The following PTBP3 variants were observed in gnomAD, a reference collection of about 807,000 sequenced individuals.
The protein encoded by PTBP3 is polypyrimidine tract binding protein 3, also known as polypyrimidine tract-binding protein 3.
In PTBP3, 20 loss-of-function variants were observed where a neutral mutation model predicts 58.7. The observed-to-expected ratio is 0.34, with a 90% CI of 0.24 to 0.50. The LOEUF is 0.50. Among genes scored for constraint, PTBP3 ranks in the 20% least tolerant of loss-of-function variants. The pLI, the probability that PTBP3 is intolerant of heterozygous loss-of-function variation, is 0.98. For missense variants in PTBP3, 509 were observed against 637.2 expected, an observed-to-expected ratio of 0.80 and a Z score of 2.17; for synonymous variants, 185 against 219.8, an observed-to-expected ratio of 0.84 and a Z score of 1.40.
At chr9:112,314,691 A>C (rs1000708382) in intron 1 of PTBP3, among the ~76,000 whole-genome samples, 1 of 152,156 alleles carries the variant, frequency 6.6e-6, no homozygotes, top group African/African-American at 2.4e-5. Context: ...AACAAAAAAG[A>C]AACACCTCAC....
At chr9:112,275,307 G>A (rs1026425947) in intron 3 of PTBP3, among the ~76,000 whole-genome samples, 32 of 151,954 alleles carry the variant, frequency 2.1e-4, no homozygotes, top group African/African-American at 7.7e-4. Flanking sequence ...GGCTAATTTT[G>A]TATTTTTAGT....
intron 12 of PTBP3, among the ~76,000 whole-genome samples, chr9:112,224,537 A>C (rs947656737): frequency 6.6e-6 from 1 of 152,220 alleles, no homozygotes; most frequent in African/African-American, 2.4e-5. Flanking sequence ...TTAGTAATCA[A>C]CTGTAGTACT....
At chr9:112,322,027 T>C (rs544446339) in intron 1 of PTBP3, among the ~76,000 whole-genome samples, 5 of 143,730 alleles carry the variant, frequency 3.5e-5, no homozygotes, top group Admixed American at 2.3e-4. Context: ...CTCAGCTACT[T>C]GGGAGGCTGA....
the PTBP3 span, among the ~76,000 whole-genome samples, chr9:112,341,661 A>T: frequency 1.3e-5 from 2 of 151,988 alleles, no homozygotes; most frequent in East Asian, 3.8e-4. Context: ...AGTCACTTGT[A>T]GGTCTAGATA....
At chr9:112,325,140 A>C (rs1454837038) in intron 1 of PTBP3, among the ~76,000 whole-genome samples, 1 of 152,246 alleles carries the variant, frequency 6.6e-6, no homozygotes, top group African/African-American at 2.4e-5. Flanking sequence ...ATATTTGATA[A>C]GAGTCAAGAG....
chr9:112,371,534 T>C, the PTBP3 span, among the ~76,000 whole-genome samples: 2 of 152,112 alleles, frequency 1.3e-5, no homozygotes, highest in African/African-American at 4.8e-5. Context: ...AATAAACTTA[T>C]TAGAGCACTC....
intron 7 of PTBP3, among the ~76,000 whole-genome samples, chr9:112,235,388 C>T (rs1210095166): frequency 6.6e-6 from 1 of 152,140 alleles, no homozygotes; most frequent in Non-Finnish European, 1.5e-5. Flanking sequence ...TTCACTGTGA[C>T]TGGTCAGAGA....
chr9:112,303,193 T>C (rs1309320356), intron 1 of PTBP3, among the ~76,000 whole-genome samples: 2 of 152,200 alleles, frequency 1.3e-5, no homozygotes, highest in Non-Finnish European at 2.9e-5. Flanking sequence ...TTTATGATAT[T>C]ATCCTGCTTC....
chr9:112,292,490 G>A (rs771387103), intron 2 of PTBP3, among the ~76,000 whole-genome samples: 2 of 152,136 alleles, frequency 1.3e-5, no homozygotes, highest in Middle Eastern at 3.2e-3. Flanking sequence ...TCACTGCAGC[G>A]TTACTCACAA....
At chr9:112,268,596 G>A (rs1434077949) in intron 3 of PTBP3, among the ~76,000 whole-genome samples, 3 of 151,750 alleles carry the variant, frequency 2.0e-5, no homozygotes, top group East Asian at 3.9e-4. Context: ...CTTGGGGTGG[G>A]GGGGTGAGGG....
At chr9:112,231,962 GAGAAGAGAGAAGAGAAGAGAAGAGA>G (rs1287003486) in intron 9 of PTBP3, 112 bp downstream of exon 9, 28 of 328,034 alleles carry the variant, frequency 8.5e-5, no homozygotes, top group South Asian at 3.5e-4. Flanking sequence ...GAGAAGAGAA[GAGAAGAGAGAAGAGAAGAGAAGAGA>G]AGAGAAGAGA....
intron 7 of PTBP3, among the ~76,000 whole-genome samples, chr9:112,237,378 G>A (rs866155440): frequency 6.6e-6 from 1 of 152,008 alleles, no homozygotes; most frequent in Non-Finnish European, 1.5e-5. Context: ...GAATAAGAAC[G>A]GATTCTTCAC....
intron 2 of PTBP3, among the ~76,000 whole-genome samples, chr9:112,280,123 A>G (rs896068562): frequency 1.3e-5 from 2 of 152,052 alleles, no homozygotes; most frequent in Non-Finnish European, 2.9e-5. Flanking sequence ...GCAGTGATGC[A>G]ATCGGCTCAC....
chr9:112,303,373 T>C (rs916890954), intron 1 of PTBP3, among the ~76,000 whole-genome samples: 15 of 152,232 alleles, frequency 9.9e-5, no homozygotes, highest in African/African-American at 3.4e-4. Flanking sequence ...TAACATGATA[T>C]ATTCTTCCTG....
intron 2 of PTBP3, among the ~76,000 whole-genome samples, chr9:112,280,046 A>C (rs1827788918): frequency 6.6e-6 from 1 of 151,982 alleles, no homozygotes; most frequent in African/African-American, 2.4e-5. Flanking sequence ...TTACTCTCAA[A>C]TTTATATGCC....
intron 12 of PTBP3, among the ~76,000 whole-genome samples, chr9:112,227,177 T>C (rs1835022516): frequency 6.6e-6 from 1 of 152,196 alleles, no homozygotes; most frequent in African/African-American, 2.4e-5. Flanking sequence ...GAAAAATAAC[T>C]AGTTGTGAAT....
chr9:112,300,679 G>A (rs1025773928), intron 1 of PTBP3, among the ~76,000 whole-genome samples: 7 of 152,234 alleles, frequency 4.6e-5, no homozygotes, highest in South Asian at 2.1e-4. Context: ...GTGAACCCGG[G>A]AGGCAGAGAT....
intron 7 of PTBP3, among the ~76,000 whole-genome samples, chr9:112,238,824 A>C (rs926139172): frequency 6.6e-6 from 1 of 152,202 alleles, no homozygotes; most frequent in African/African-American, 2.4e-5. Flanking sequence ...ATAACTCTTA[A>C]AATTGATTAA....
Position 112,220,491 on chromosome 9 carries a change from T to A in PTBP3, c.*3360A>T. The stretch of plus-strand genomic sequence containing the variant: ...ATACTAGGTGGAGCCAAAGAAGGCC[T>A]CACTGTCATAAGGGAACAGGCAGGC... On this transcript the variant is annotated 3_prime_UTR_variant, in exon 14 of 14. Coordinates refer to ENST00000374257, the MANE Select transcript of PTBP3 (RefSeq NM_001163788.4). 1 of 1,067,166 alleles carries A rather than the reference T, an allele frequency of 9.4e-7. No individual in the cohort carries two copies. The highest frequency in any genetic ancestry group is 1.1e-6 in the Non-Finnish European group (1 of 875,660). The allele number at this position is 1,067,166 out of a possible 1,614,324, so 66.1% of individuals were successfully genotyped here. A position where few individuals can be genotyped will look rare whatever the true frequency, so the allele number is the denominator to read the frequency against.
Sources: gnomAD v4.1 joint callset for allele counts (sites outside exome capture counted in the v4.1 genomes callset) on GRCh38, gnomAD v4.1.1 for gene constraint, MANE v1.5 for transcripts, NCBI Gene and HGNC (gene_info 2026-07-23, HGNC 2026-07-21) for gene names.